The following DAB1 variants were observed in gnomAD, a reference collection of about 807,000 sequenced individuals.
DAB1 encodes the protein DAB adaptor protein 1.
Under a neutral mutation model 64.6 loss-of-function variants are expected in DAB1, and 15 were observed. The observed-to-expected ratio is 0.23, with a 90% CI of 0.16 to 0.36. DAB1 has a LOEUF of 0.36. Ranked by LOEUF, DAB1 falls within the 10% of genes least tolerant of loss-of-function variation. The pLI is 1.00. For synonymous variants in DAB1, 235 were observed against 251.9 expected, an observed-to-expected ratio of 0.93 and a Z score of 0.64; for missense variants, 596 against 706.7, an observed-to-expected ratio of 0.84 and a Z score of 1.78.
Position 57,660,432 on chromosome 1 carries a change from C to T in DAB1, n.552-10767G>A, listed in dbSNP as rs186625732. 9.2e-5 allele frequency among the ~76,000 whole-genome samples: 14 copies of T among 152,326 alleles called. 1 individual carries two copies. Among genetic ancestry groups the T allele is most frequent in the Admixed American group, 3.9e-4 (6 of 15,294 alleles). ...TGCTCTCAGCCACCACTAGCACTTA[C>T]GGAACTCTTGAGAGATACCAAGGGT... On this transcript the variant is annotated intron_variant and non_coding_transcript_variant, in intron 6 of 20. Coordinates refer to the DAB1 transcript ENST00000485760.
Position 57,868,810 on chromosome 1 carries a change from C to A in DAB1, n.87+15189G>T, listed in dbSNP as rs1654413550. Among the ~76,000 whole-genome samples, 3 of 152,252 alleles carry A rather than the reference C, an allele frequency of 2.0e-5. No homozygotes were observed. The South Asian group carries it at 6.2e-4, about 32-fold the overall frequency. On this transcript the variant is annotated intron_variant and non_coding_transcript_variant, in intron 1 of 1. Transcript: ENST00000477280. ...CATGTTCTGCTAGGCTTCCTCTATACAACACACTCTTCCTTATTGGTACCC... is the reference window on the plus strand; with the variant it reads ...CATGTTCTGCTAGGCTTCCTCTATAAAACACACTCTTCCTTATTGGTACCC...
Position 57,782,335 on chromosome 1 carries a change from G to T in DAB1, n.551+101664C>A, listed in dbSNP as rs1230203551. On this transcript the variant is annotated intron_variant and non_coding_transcript_variant, in intron 6 of 20. Coordinates refer to the DAB1 transcript ENST00000485760. ...ATGAAAAAAGAGGGCAGGTGACACAGTCAAAGACACACAGTTTTTTAAGTC... is the reference window on the plus strand; with the variant it reads ...ATGAAAAAAGAGGGCAGGTGACACATTCAAAGACACACAGTTTTTTAAGTC... Among the ~76,000 whole-genome samples, 3 of 152,264 alleles carry T rather than the reference G, an allele frequency of 2.0e-5. No homozygotes were observed. In the East Asian group the frequency reaches 5.8e-4, roughly 29 times the overall value.
rs1557431453 is a variant in DAB1 at position 58,473,555 on chromosome 1, AAT to A, written n.257+32503_257+32504del. Among the ~76,000 whole-genome samples the A allele has an allele frequency of 9.8e-4, 120 of 122,320 alleles. 2 individuals carry two copies. Among genetic ancestry groups the A allele is most frequent in the African/African-American group, 2.6e-3 (95 of 36,046 alleles). 80.2% of individuals were successfully genotyped at this position (122,320 alleles called of 152,430 possible). ...AGACTCCGTCTCAAAAAAATAAATA[AAT>A]AAATAAATAAATAAATAAATAAATA... is the stretch of plus-strand genomic sequence containing the variant. On this transcript the variant is annotated intron_variant and non_coding_transcript_variant, in intron 3 of 20. Transcript: ENST00000485760.
At chr1:57,207,644 C>T (rs974256437) in intron 2 of DAB1, among the ~76,000 whole-genome samples, 1 of 150,318 alleles carries the variant, frequency 6.7e-6, no homozygotes, top group East Asian at 2.0e-4. Flanking sequence ...GGGGTTTCAC[C>T]GTTTTTAGCC....
intron 6 of DAB1, among the ~76,000 whole-genome samples, chr1:57,756,887 G>A (rs1030167838): frequency 1.3e-5 from 2 of 152,046 alleles, no homozygotes; most frequent in African/African-American, 4.8e-5. Flanking sequence ...AATTAATCTT[G>A]GGAGATTAAG....
rs2102012264 is a variant in DAB1, at chr1:57,913,683, G to T, written n.388-29521C>A. On this transcript the variant is annotated intron_variant and non_coding_transcript_variant, in intron 5 of 20. Transcript: ENST00000485760. ...ACCTACAGAATGGGAGAAAATTTTT[G>T]CAATCTACTCATCTGACAAAGGGCT... Among the ~76,000 whole-genome samples, 2 of 152,218 alleles carry T rather than the reference G, an allele frequency of 1.3e-5. 1 individual carries two copies. Among genetic ancestry groups the T allele is most frequent in the Non-Finnish European group, 2.9e-5 (2 of 68,012 alleles).
At chr1:58,275,443 T>C (rs1661419831) in intron 4 of DAB1, among the ~76,000 whole-genome samples, 1 of 152,186 alleles carries the variant, frequency 6.6e-6, no homozygotes, top group Non-Finnish European at 1.5e-5. Flanking sequence ...CAGAGTTTAA[T>C]ATTCAGAATA....
At chr1:57,547,948 G>A (rs970089987) in intron 7 of DAB1, among the ~76,000 whole-genome samples, 2 of 152,036 alleles carry the variant, frequency 1.3e-5, no homozygotes, top group Non-Finnish European at 2.9e-5. Flanking sequence ...ATAGTGGCTG[G>A]CACATAAAAG....
At chr1:57,317,402 G>A (rs1217753671) in intron 1 of DAB1, among the ~76,000 whole-genome samples, 1 of 152,212 alleles carries the variant, frequency 6.6e-6, no homozygotes, top group Non-Finnish European at 1.5e-5. Context: ...ACATGTTAGA[G>A]TAATTTGTTA....
chr1:58,532,984 C>A (rs1364883077), intron 1 of DAB1, among the ~76,000 whole-genome samples: 5 of 152,184 alleles, frequency 3.3e-5, no homozygotes, highest in African/African-American at 1.2e-4. Context: ...GAATCATTAT[C>A]ATTTCCATTT....
chr1:57,763,688 G>A (rs145589869), intron 6 of DAB1, among the ~76,000 whole-genome samples: 33 of 152,210 alleles, frequency 2.2e-4, no homozygotes, highest in Middle Eastern at 3.4e-3. Context: ...TTAAAGAAAA[G>A]TAATTAATTG....
At chr1:57,527,680 A>T (rs1436588326) in intron 7 of DAB1, among the ~76,000 whole-genome samples, 1 of 152,202 alleles carries the variant, frequency 6.6e-6, no homozygotes, top group Admixed American at 6.5e-5. Context: ...TGTGCTGGTT[A>T]CTAAAGAATA....
intron 5 of DAB1, among the ~76,000 whole-genome samples, chr1:58,004,077 A>C (rs1646545227): frequency 6.6e-6 from 1 of 152,196 alleles, no homozygotes; most frequent in Admixed American, 6.5e-5. Context: ...TACAATACAG[A>C]ATCAGAACCA....
At chr1:57,077,629 T>C (rs928110142) in intron 4 of DAB1, among the ~76,000 whole-genome samples, 36 of 152,198 alleles carry the variant, frequency 2.4e-4, no homozygotes, top group Non-Finnish European at 4.4e-4. Context: ...CCATGAGCCA[T>C]TTACCAGTGT....
rs182497152 is a variant in DAB1 at position 57,595,097 on chromosome 1, C to A, written n.625+54495G>T. 1.9e-4 allele frequency among the ~76,000 whole-genome samples: 29 copies of A among 152,192 alleles called. No homozygotes were observed. The East Asian group carries it at 5.2e-3, about 27-fold the overall frequency. ...ATTTTTAAAAATCCATTTCTACCCACTTCCATTAAGTAAATACTGAAAAAC... is the reference window on the plus strand; with the variant it reads ...ATTTTTAAAAATCCATTTCTACCCAATTCCATTAAGTAAATACTGAAAAAC... On this transcript the variant is annotated intron_variant and non_coding_transcript_variant, in intron 7 of 20. Coordinates refer to the DAB1 transcript ENST00000485760.
At chr1:57,041,077 G>T (rs1647722133) in intron 9 of DAB1, among the ~76,000 whole-genome samples, 1 of 152,194 alleles carries the variant, frequency 6.6e-6, no homozygotes, top group Admixed American at 6.5e-5. Context: ...GCAAATCAGA[G>T]GAAATCACAA....
At chr1:58,429,411 G>A (rs1644848931) in intron 3 of DAB1, among the ~76,000 whole-genome samples, 1 of 152,184 alleles carries the variant, frequency 6.6e-6, no homozygotes, top group Admixed American at 6.5e-5. Context: ...AGGAATTGAG[G>A]AGAAACTAGC....
chr1:57,785,238 G>A (rs1359534108), intron 6 of DAB1, among the ~76,000 whole-genome samples: 1 of 152,086 alleles, frequency 6.6e-6, no homozygotes, highest in Non-Finnish European at 1.5e-5. Context: ...GACACACATA[G>A]TCATCCAAGA....
chr1:57,269,734 CAG>C (rs1361323716), intron 2 of DAB1, among the ~76,000 whole-genome samples: 1 of 152,078 alleles, frequency 6.6e-6, no homozygotes, highest in Non-Finnish European at 1.5e-5. Flanking sequence ...GAATATTTTC[CAG>C]ACACCAGGGA....
Sources: allele counts gnomAD v4.1 joint callset (sites outside exome capture counted in the v4.1 genomes callset), GRCh38; gene constraint gnomAD v4.1.1; transcripts MANE v1.5; gene names NCBI Gene and HGNC (gene_info 2026-07-23, HGNC 2026-07-21).